PIP5K1C: variants seen among roughly 807,000 people sequenced by gnomAD.
PIP5K1C encodes the protein phosphatidylinositol-4-phosphate 5-kinase type 1 gamma.
PIP5K1C carries 45 observed loss-of-function variants against 80.1 expected under a neutral mutation model. The observed-to-expected ratio is 0.56, with a 90% CI of 0.44 to 0.72. The LOEUF is 0.72. Among genes scored for constraint, PIP5K1C ranks in the 30% least tolerant of loss-of-function variants. The pLI is 0.00. For missense variants in PIP5K1C, 753 were observed against 954.6 expected, an observed-to-expected ratio of 0.79 and a Z score of 2.78; for synonymous variants, 498 against 420.1, an observed-to-expected ratio of 1.19 and a Z score of -2.27.
At chr19:3,677,335 C>T (rs1224084385) in intron 1 of PIP5K1C, among the ~76,000 whole-genome samples, 1 of 152,144 alleles carries the variant, frequency 6.6e-6, no homozygotes, top group East Asian at 1.9e-4. Context: ...GTCATCCCAG[C>T]ACTTTGGGAG....
chr19:3,658,588 G>A (rs1239176668), intron 5 of PIP5K1C, among the ~76,000 whole-genome samples: 3 of 152,240 alleles, frequency 2.0e-5, no homozygotes. Context: ...GGAGGCCAGG[G>A]GACCCCGCCA....
In PIP5K1C at chr19:3,643,260, C is replaced by G. The variant is rs754268073; in HGVS notation, c.1632G>C (p.Ser544=). The G allele has an allele frequency of 3.1e-6, 5 of 1,613,748 alleles. No homozygotes were observed. The highest frequency in any genetic ancestry group is 3.4e-6 in the Non-Finnish European group (4 of 1,179,956). The change falls in exon 13 of 18, where the codon TCG becomes TCC. Residue 544 remains serine, a synonymous_variant. Coordinates refer to ENST00000335312, the MANE Select transcript of PIP5K1C (RefSeq NM_012398.3). ...TCGCCCACCTGTACCGCGGCTGCTCCGACGTCTCCGAGGGGGACCGCTCAG... is the reference window on the plus strand; with the variant it reads ...TCGCCCACCTGTACCGCGGCTGCTCGGACGTCTCCGAGGGGGACCGCTCAG... The part of the protein sequence containing the change: ...SIPERSPSET[S]EQPRYRRRTQ...
chr19:3,687,519 A>ACATACATG (rs2035796857), intron 1 of PIP5K1C, among the ~76,000 whole-genome samples: 1 of 151,040 alleles, frequency 6.6e-6, no homozygotes, highest in Non-Finnish European at 1.5e-5. Context: ...ACATACATGC[A>ACATACATG]CACATGCACA....
At chr19:3,675,582 C>T (rs1240138241) in intron 1 of PIP5K1C, among the ~76,000 whole-genome samples, 1 of 152,220 alleles carries the variant, frequency 6.6e-6, no homozygotes, top group African/African-American at 2.4e-5. Flanking sequence ...TTCTGCTCCT[C>T]TCTGGTATGG....
chr19:3,674,884 T>C (rs981222053), intron 1 of PIP5K1C, among the ~76,000 whole-genome samples: 6 of 152,202 alleles, frequency 3.9e-5, no homozygotes, highest in Non-Finnish European at 7.3e-5. Context: ...CAAAGAAGCA[T>C]TAATAATCTG....
Position 3,692,652 on chromosome 19 carries a change from G to A in PIP5K1C, c.94+7645C>T, listed in dbSNP as rs1260086577. On this transcript the variant is annotated intron_variant, in intron 1 of 17. Coordinates refer to ENST00000335312, the MANE Select transcript of PIP5K1C (RefSeq NM_012398.3). This position sits in a 1 kb window ranked among gnomAD's most constrained non-coding sequence, Gnocchi z 5.2. ...CCCTGGTTCCCCTAGCCCACGTCCC[G>A]CCCTCACCCCATCTGTCCTCCCCAC... Among the ~76,000 whole-genome samples, 4 of 151,494 alleles carry A rather than the reference G, an allele frequency of 2.6e-5. No individual in the cohort carries two copies. The highest frequency in any genetic ancestry group is 6.6e-5 in the Admixed American group (1 of 15,216).
intron 15 of PIP5K1C, among the ~76,000 whole-genome samples, chr19:3,639,735 G>C (rs1405148573): frequency 6.6e-6 from 1 of 152,072 alleles, no homozygotes; most frequent in Admixed American, 6.6e-5. Flanking sequence ...CAGCCTCTTT[G>C]TTCTTTTCAC....
rs1031843366 is a variant in PIP5K1C at position 3,686,814 on chromosome 19, AG to A, written c.94+13482del. 9.4e-4 allele frequency among the ~76,000 whole-genome samples: 143 copies of A among 152,316 alleles called. 1 individual carries two copies. Among genetic ancestry groups the A allele is most frequent in the African/African-American group, 3.3e-3 (136 of 41,566 alleles). On this transcript the variant is annotated intron_variant, in intron 1 of 17. Transcript: ENST00000335312. ...ATAGCTAAAACTATAAAACTACTTA[AG>A]AAAATGGGGTAATAAATCTTTGTGA...
intron 2 of PIP5K1C, among the ~76,000 whole-genome samples, chr19:3,665,458 A>T (rs1052124351): frequency 8.5e-5 from 13 of 152,088 alleles, no homozygotes; most frequent in Admixed American, 7.9e-4. Context: ...GGTATTTTTT[A>T]AAAAAACAGG....
intron 15 of PIP5K1C, among the ~76,000 whole-genome samples, chr19:3,639,444 T>C (rs2033866226): frequency 6.6e-6 from 1 of 152,138 alleles, no homozygotes. Flanking sequence ...CATTGATTTG[T>C]TTTTTCAGAC....
chr19:3,654,617 A>G (rs2034557947), intron 6 of PIP5K1C, among the ~76,000 whole-genome samples: 1 of 151,412 alleles, frequency 6.6e-6, no homozygotes, highest in Admixed American at 6.6e-5. Context: ...GGAGTTTGAG[A>G]CCAGCCTGGC....
chr19:3,662,111 C>A, intron 3 of PIP5K1C, 110 bp from the exon 4 acceptor site: 1 of 1,336,756 alleles, frequency 7.5e-7, no homozygotes, highest in Non-Finnish European at 1.0e-6. Flanking sequence ...TGGGACCCGG[C>A]ACCTGCCAAC....
At chr19:3,658,865 C>G (rs1599994485) in intron 5 of PIP5K1C, among the ~76,000 whole-genome samples, 1 of 152,220 alleles carries the variant, frequency 6.6e-6, no homozygotes, top group Non-Finnish European at 1.5e-5. Flanking sequence ...GGGAAGCAGG[C>G]CCCATGCGTG....
At chr19:3,678,466 A>AG (rs2035472523) in intron 1 of PIP5K1C, among the ~76,000 whole-genome samples, 1 of 85,064 alleles carries the variant, frequency 1.2e-5, no homozygotes, top group Non-Finnish European at 2.4e-5. Context: ...GGGATGGAGG[A>AG]TGGAGGGATG....
At chr19:3,687,785 C>A (rs2035808915) in intron 1 of PIP5K1C, among the ~76,000 whole-genome samples, 1 of 151,652 alleles carries the variant, frequency 6.6e-6, no homozygotes. Flanking sequence ...TCCCTTCTCC[C>A]TGCCGGGTGC....
At chr19:3,665,886 C>G (rs994595578) in intron 2 of PIP5K1C, among the ~76,000 whole-genome samples, 1 of 152,100 alleles carries the variant, frequency 6.6e-6, no homozygotes, top group African/African-American at 2.4e-5. Flanking sequence ...CTAGGAGACC[C>G]CATGGACCCT....
At chr19:3,681,175 T>G (rs1266623103) in intron 1 of PIP5K1C, among the ~76,000 whole-genome samples, 2 of 151,042 alleles carry the variant, frequency 1.3e-5, no homozygotes, top group Non-Finnish European at 2.9e-5. Context: ...GACACTATTC[T>G]CCGGGTGTGT....
At position 3,641,691 on chromosome 19, in the gene PIP5K1C, G is replaced by C. The variant is rs756872089; in HGVS notation, c.1787+14C>G. On this transcript the variant is annotated intron_variant, in intron 15 of 17. Transcript: ENST00000335312. ...CAGGTGGGCGCCCCGACCTCCCGCCGAGGCCGTGCTCACCCTGCGTCCTCC... is the reference window on the plus strand; with the variant it reads ...CAGGTGGGCGCCCCGACCTCCCGCCCAGGCCGTGCTCACCCTGCGTCCTCC... 6.2e-7 allele frequency: 1 copy of C among 1,601,308 alleles called. No individual in the cohort carries two copies. The highest frequency in any genetic ancestry group is 8.5e-7 in the Non-Finnish European group (1 of 1,177,198).
At chr19:3,650,446 G>A (rs773252782) in intron 8 of PIP5K1C, among the ~76,000 whole-genome samples, 22 of 152,230 alleles carry the variant, frequency 1.4e-4, no homozygotes, top group Non-Finnish European at 2.8e-4. Context: ...TGTCTATCCC[G>A]CATCCGGGGC....
Sources: gnomAD v4.1 joint callset for allele counts (sites outside exome capture counted in the v4.1 genomes callset) on GRCh38, gnomAD v4.1.1 for gene constraint, Gnocchi (gnomAD v3.1) non-coding constraint, MANE v1.5 for transcripts, NCBI Gene and HGNC (gene_info 2026-07-23, HGNC 2026-07-21) for gene names.